Variants in NLRP13 observed in about 807,000 individuals in gnomAD.
NLRP13 encodes NLR family pyrin domain containing 13, also known as NACHT, LRR and PYD domains-containing protein 13.
A neutral mutation model predicts 94.4 loss-of-function variants in NLRP13; 82 were observed. The observed-to-expected ratio is 0.87, with a 90% CI of 0.73 to 1.04. The LOEUF is 1.04. Ranked by LOEUF, NLRP13 falls within the 50% of genes least tolerant of loss-of-function variation. NLRP13 has a pLI of 0.00. For synonymous variants in NLRP13, 553 were observed against 464.7 expected (o/e 1.19, Z -2.45); for missense variants, 1,426 against 1,230.8 (o/e 1.16, Z -2.37).
At position 55,907,778 on chromosome 19, in the gene NLRP13, A is replaced by C; in HGVS notation, c.2447+14T>G. The stretch of plus-strand genomic sequence containing the variant: ...GCAACCCCCCTTGACAGATCTAGGG[A>C]GCCAAAGACTTACCACAGATACTTG... On this transcript the variant is annotated intron_variant, in intron 7 of 10. Transcript: ENST00000342929. The C allele has an allele frequency of 6.2e-7, 1 of 1,613,144 alleles. No individual in the cohort carries two copies. Among genetic ancestry groups the C allele is most frequent in the Non-Finnish European group, 8.5e-7 (1 of 1,179,566 alleles).
chr19:55,915,738 A>AG (rs962020133), intron 4 of NLRP13, among the ~76,000 whole-genome samples: 14 of 149,640 alleles, frequency 9.4e-5, no homozygotes, highest in Non-Finnish European at 1.0e-4. Flanking sequence ...GAGATCAGCT[A>AG]GGATAGGCTT....
rs1568694040 is a variant in NLRP13 at position 55,911,973 on chromosome 19, T to G, written c.1844A>C (p.Glu615Ala). The change falls in exon 5 of 11, where the codon GAA (glutamate) becomes GCA (alanine). Residue 615 changes from glutamate (E) to alanine (A), a missense_variant. By Grantham distance (107) the Glu-to-Ala change is moderately radical (BLOSUM62 -1). Coordinates refer to ENST00000342929, the MANE Select transcript of NLRP13 (RefSeq NM_176810.2). ...TAACTCTTCTCCCCACTTTAATAAT[T>G]CCTCCATTACCCTGGGAGATATTTT... ...HCKISPRVMEELLKWGEELGK... is the reference protein window; with the variant it reads ...HCKISPRVMEALLKWGEELGK... 1 of 1,614,204 alleles carries G rather than the reference T, an allele frequency of 6.2e-7. No homozygotes were observed.
At chr19:55,907,051 C>T (rs35987757) in intron 7 of NLRP13, among the ~76,000 whole-genome samples, 35,627 of 151,938 alleles carry the variant, frequency 0.23, 4,471 homozygotes, top group East Asian at 0.41. Flanking sequence ...CCTCCGCTCC[C>T]GGGTTCAAGC....
intron 1 of NLRP13, among the ~76,000 whole-genome samples, chr19:55,929,862 C>G (rs1987064980): frequency 1.3e-5 from 2 of 150,876 alleles, no homozygotes; most frequent in African/African-American, 4.9e-5. Context: ...ATCAATAAAG[C>G]CTAAAGTTGG....
At chr19:55,902,301 T>G (rs1414815612) in intron 8 of NLRP13, 96 bp from the exon 9 acceptor site, 4 of 993,126 alleles carry the variant, frequency 4.0e-6, no homozygotes, top group Non-Finnish European at 5.9e-6. Flanking sequence ...AGCCTACACA[T>G]GCAGCAGCTC....
At chr19:55,894,755 C>G (rs186849811), downstream of NLRP13, among the ~76,000 whole-genome samples, 342 of 152,270 alleles carry the variant, frequency 2.2e-3, no homozygotes, top group Non-Finnish European at 3.8e-3. Flanking sequence ...TGTTTCCCCC[C>G]TGTCTACCAT....
At chr19:55,923,877 C>T (rs763162391) in intron 4 of NLRP13, 37 bp downstream of exon 4, 1 of 1,512,596 alleles carries the variant, frequency 6.6e-7, no homozygotes, top group East Asian at 2.3e-5. Flanking sequence ...GCTCGTCAAG[C>T]AACCTGTCCA....
At chr19:55,931,281 G>A (rs4991665) in intron 1 of NLRP13, among the ~76,000 whole-genome samples, 27,961 of 151,848 alleles carry the variant, frequency 0.18, 2,783 homozygotes, top group African/African-American at 0.26. Context: ...GGTGGGTTGC[G>A]GGGGCAGGGC....
intron 8 of NLRP13, 132 bp from the exon 9 acceptor site, chr19:55,902,337 A>T (rs1252250803): frequency 2.9e-6 from 2 of 691,648 alleles, no homozygotes; most frequent in Non-Finnish European, 4.8e-6. Flanking sequence ...CTTTCTTTTT[A>T]GCTGGACACC....
downstream of NLRP13, among the ~76,000 whole-genome samples, chr19:55,894,486 G>C (rs980342056): frequency 2.6e-5 from 4 of 152,138 alleles, no homozygotes; most frequent in African/African-American, 9.7e-5. Flanking sequence ...AACATCCTCA[G>C]TACATTCCAC....
intron 8 of NLRP13, among the ~76,000 whole-genome samples, chr19:55,904,718 G>T (rs887711650): frequency 3.3e-5 from 5 of 152,138 alleles, no homozygotes; most frequent in African/African-American, 1.2e-4. Flanking sequence ...ATTACTTCCT[G>T]GGGTCCTCGT....
intron 5 of NLRP13, among the ~76,000 whole-genome samples, chr19:55,911,307 C>T (rs1039378473): frequency 2.0e-5 from 3 of 152,166 alleles, no homozygotes; most frequent in Non-Finnish European, 4.4e-5. Flanking sequence ...TCTCTGCTTG[C>T]TGCAACTTCT....
downstream of NLRP13, among the ~76,000 whole-genome samples, chr19:55,893,311 C>T (rs921574216): frequency 1.3e-5 from 2 of 152,042 alleles, no homozygotes; most frequent in African/African-American, 4.8e-5. Flanking sequence ...TCGCTTGAAC[C>T]TGGGAGGCGG....
downstream of NLRP13, chr19:55,892,230 G>A: frequency 5.3e-6 from 4 of 753,808 alleles, no homozygotes; most frequent in East Asian, 3.4e-5. Context: ...TGGGTCTACT[G>A]TGTGGCATGA....
At chr19:55,902,280 G>GC in intron 8 of NLRP13, 75 bp from the exon 9 acceptor site, 1 of 1,361,698 alleles carries the variant, frequency 7.3e-7, no homozygotes, top group Non-Finnish European at 1.0e-6. Context: ...AGAGCCTCAG[G>GC]GCCCCCTCCG....
intron 1 of NLRP13, among the ~76,000 whole-genome samples, chr19:55,929,229 G>T (rs1237091923): frequency 2.0e-5 from 3 of 152,136 alleles, no homozygotes; most frequent in East Asian, 1.9e-4. Flanking sequence ...ATTCCTCAAG[G>T]ATCTAGAACT....
intron 8 of NLRP13, among the ~76,000 whole-genome samples, chr19:55,903,389 A>G (rs1394587265): frequency 6.6e-6 from 1 of 152,030 alleles, no homozygotes; most frequent in African/African-American, 2.4e-5. Flanking sequence ...TACTCACCTG[A>G]CAATTGTCCA....
intron 4 of NLRP13, among the ~76,000 whole-genome samples, chr19:55,915,787 C>T (rs1389527047): frequency 6.6e-6 from 1 of 152,156 alleles, no homozygotes; most frequent in African/African-American, 2.4e-5. Flanking sequence ...CCCACCCCTC[C>T]ATGGCTGATC....
chr19:55,895,198 T>TAAAAA (rs112514218), downstream of NLRP13, among the ~76,000 whole-genome samples: 739 of 140,394 alleles, frequency 5.3e-3, 7 homozygotes, highest in African/African-American at 0.015. Context: ...AAAAGTATGT[T>TAAAAA]AAAAAAAAAA....
Sources: gnomAD v4.1 joint callset for allele counts (sites outside exome capture counted in the v4.1 genomes callset) on GRCh38, gnomAD v4.1.1 for gene constraint, MANE v1.5 for transcripts, NCBI Gene and HGNC (gene_info 2026-07-23, HGNC 2026-07-21) for gene names.